FAM107B: variants seen among roughly 807,000 people sequenced by gnomAD.
FAM107B encodes the protein protein FAM107B.
Under a neutral mutation model 31.5 loss-of-function variants are expected in FAM107B, and 21 were observed. The observed-to-expected ratio is 0.67, with a 90% CI of 0.47 to 0.96. The LOEUF is 0.96. FAM107B is among the 40% of genes least tolerant of loss of function. The pLI, the probability that FAM107B is intolerant of heterozygous loss-of-function variation, is 0.00. For missense variants in FAM107B, 452 were observed against 377.1 expected (o/e 1.20, Z -1.64); for synonymous variants, 157 against 141.5 (o/e 1.11, Z -0.78).
intron 2 of FAM107B, among the ~76,000 whole-genome samples, chr10:14,582,710 A>C (rs910778991): frequency 6.6e-6 from 1 of 151,976 alleles, no homozygotes; most frequent in Non-Finnish European, 1.5e-5. Context: ...CTGAGTACTT[A>C]TTCCATGGAG....
At chr10:14,629,409 A>ATAACATATATT (rs1588669198) in intron 2 of FAM107B, among the ~76,000 whole-genome samples, 1 of 1,110 alleles carries the variant, frequency 9.0e-4, no homozygotes, top group Non-Finnish European at 8.6e-3. Flanking sequence ...TTATATATTT[A>ATAACATATATT]ATATATATAA....
chr10:14,633,015 A>G (rs1853407661), intron 2 of FAM107B, among the ~76,000 whole-genome samples: 1 of 152,156 alleles, frequency 6.6e-6, no homozygotes, highest in Admixed American at 6.5e-5. Context: ...CCTGGCCAAC[A>G]TGGTAAAACT....
chr10:14,736,976 G>A (rs545477336), intron 1 of FAM107B, among the ~76,000 whole-genome samples: 2 of 152,254 alleles, frequency 1.3e-5, no homozygotes, highest in South Asian at 4.1e-4. Flanking sequence ...CTGGGGAAAG[G>A]CCACACAGCA....
chr10:14,522,255 C>T (rs1286260188), intron 3 of FAM107B: 3 of 537,892 alleles, frequency 5.6e-6, no homozygotes, highest in Non-Finnish European at 9.7e-6. Flanking sequence ...AATGTATTGG[C>T]CACGTGCCAT....
intron 2 of FAM107B, among the ~76,000 whole-genome samples, chr10:14,632,730 G>C (rs1376186223): frequency 6.6e-6 from 1 of 151,832 alleles, no homozygotes; most frequent in African/African-American, 2.4e-5. Context: ...GGAGAGAAAA[G>C]ATAGCATCTG....
intron 1 of FAM107B, among the ~76,000 whole-genome samples, chr10:14,771,558 TA>T (rs954366805): frequency 1.0e-4 from 12 of 119,086 alleles, no homozygotes; most frequent in Admixed American, 1.5e-4. Context: ...ATTACACATT[TA>T]TACATGTATA....
Position 14,520,976 on chromosome 10 carries a change from C to A in FAM107B, c.*214G>T, listed in dbSNP as rs906462189. On this transcript the variant is annotated 3_prime_UTR_variant, in exon 5 of 5. Transcript: ENST00000181796. ...AACACAGGTCCATCATTCCAACTTA[C>A]GTGCGGGGCACTGCCCTTCATTTGG... 12 of 475,854 alleles carry A rather than the reference C, an allele frequency of 2.5e-5. No homozygotes were observed. The allele number at this position is 475,854 out of a possible 1,614,324, so 29.5% of individuals were successfully genotyped here. A position where few individuals can be genotyped will look rare whatever the true frequency, so the allele number is the denominator to read the frequency against.
intron 1 of FAM107B, among the ~76,000 whole-genome samples, chr10:14,751,398 G>C (rs140812431): frequency 6.6e-6 from 1 of 152,148 alleles, no homozygotes; most frequent in Non-Finnish European, 1.5e-5. Flanking sequence ...CAGTCCAGCT[G>C]GGAAACCACC....
intron 2 of FAM107B, among the ~76,000 whole-genome samples, chr10:14,650,783 A>G (rs569293095): frequency 2.6e-4 from 39 of 152,166 alleles, no homozygotes; most frequent in Non-Finnish European, 4.4e-4. Flanking sequence ...CTATTTTGTT[A>G]TATCACTAAA....
chr10:14,544,908 G>A (rs1351047445), intron 2 of FAM107B, among the ~76,000 whole-genome samples: 2 of 152,142 alleles, frequency 1.3e-5, no homozygotes, highest in Non-Finnish European at 2.9e-5. Flanking sequence ...AAATGCCTAC[G>A]TGTGTGTCTG....
At chr10:14,740,152 C>A (rs536136474) in intron 1 of FAM107B, among the ~76,000 whole-genome samples, 3 of 152,186 alleles carry the variant, frequency 2.0e-5, no homozygotes. Context: ...AAAACCTACA[C>A]GTGAATGTTT....
At chr10:14,610,973 A>G (rs1202434279) in intron 2 of FAM107B, among the ~76,000 whole-genome samples, 1 of 152,238 alleles carries the variant, frequency 6.6e-6, no homozygotes, top group African/African-American at 2.4e-5. Context: ...TCACAATTTT[A>G]AAATCAAAGG....
intron 2 of FAM107B, among the ~76,000 whole-genome samples, chr10:14,539,470 C>T (rs1056735261): frequency 4.6e-5 from 7 of 152,004 alleles, no homozygotes; most frequent in Admixed American, 2.6e-4. Context: ...CCAAATATAT[C>T]ATGATCAAAG....
At chr10:14,542,618 G>A (rs1485135131) in intron 2 of FAM107B, 1 of 152,142 alleles carries the variant, frequency 6.6e-6, no homozygotes, top group Non-Finnish European at 1.5e-5. Flanking sequence ...TCCAAAAGGA[G>A]CCAAAAACTG....
intron 3 of FAM107B, among the ~76,000 whole-genome samples, chr10:14,526,411 G>C (rs567083849): frequency 3.9e-4 from 59 of 152,278 alleles, no homozygotes; most frequent in African/African-American, 1.4e-3. Flanking sequence ...CCTGACCTCA[G>C]GTGATCTGCC....
intron 2 of FAM107B, among the ~76,000 whole-genome samples, chr10:14,544,090 G>A (rs1184403419): frequency 6.6e-6 from 1 of 152,146 alleles, no homozygotes; most frequent in African/African-American, 2.4e-5. Context: ...AGACTCAACT[G>A]CTTGGCCCAG....
intron 2 of FAM107B, among the ~76,000 whole-genome samples, chr10:14,629,673 C>T (rs948534652): frequency 1.3e-5 from 2 of 149,298 alleles, no homozygotes; most frequent in East Asian, 2.0e-4. Flanking sequence ...CCACCACGCC[C>T]GGCTAATTTT....
At chr10:14,732,791 T>C (rs1342640867) in intron 1 of FAM107B, among the ~76,000 whole-genome samples, 1 of 147,552 alleles carries the variant, frequency 6.8e-6, no homozygotes, top group Non-Finnish European at 1.5e-5. Flanking sequence ...ATAGAATACA[T>C]TATAGAATAC....
At chr10:14,667,021 G>T (rs919734170) in intron 2 of FAM107B, among the ~76,000 whole-genome samples, 1 of 152,124 alleles carries the variant, frequency 6.6e-6, no homozygotes, top group Non-Finnish European at 1.5e-5. Flanking sequence ...AAAGCCATTG[G>T]TAAATAGAGG....
Sources: gnomAD v4.1 joint callset for allele counts (sites outside exome capture counted in the v4.1 genomes callset) on GRCh38, gnomAD v4.1.1 for gene constraint, MANE v1.5 for transcripts, NCBI Gene and HGNC (gene_info 2026-07-23, HGNC 2026-07-21) for gene names.